Variants in PTPN3 observed in about 807,000 individuals in gnomAD.
The protein encoded by PTPN3 is protein tyrosine phosphatase non-receptor type 3, also known as tyrosine-protein phosphatase non-receptor type 3.
Under a neutral mutation model 132.7 loss-of-function variants are expected in PTPN3, and 96 were observed. That is an observed-to-expected ratio of 0.72 (90% CI 0.61 to 0.86). PTPN3 has a LOEUF of 0.86. Among genes scored for constraint, PTPN3 ranks in the 40% least tolerant of loss-of-function variants. The pLI, the probability that PTPN3 is intolerant of heterozygous loss-of-function variation, is 0.00. For missense variants in PTPN3, 1,125 were observed against 1,159.6 expected, an observed-to-expected ratio of 0.97 and a Z score of 0.43; for synonymous variants, 398 against 429.0, an observed-to-expected ratio of 0.93 and a Z score of 0.89.
intron 21 of PTPN3, 39 bp downstream of exon 21, chr9:109,391,098 GT>G (rs755771325): frequency 5.7e-5 from 90 of 1,572,392 alleles, no homozygotes; most frequent in Middle Eastern, 3.3e-4. Flanking sequence ...TGCGACAGTG[GT>G]GAATGTGCTC....
At chr9:109,471,117 C>T (rs1461885280) in intron 1 of PTPN3, among the ~76,000 whole-genome samples, 3 of 150,254 alleles carry the variant, frequency 2.0e-5, no homozygotes, top group Admixed American at 6.6e-5. Context: ...AGTGCAGTGG[C>T]GCAATCTCAG....
At chr9:109,422,692 C>CAA (rs111591001) in intron 13 of PTPN3, 26 bp downstream of exon 13, 16,073 of 1,431,096 alleles carry the variant, frequency 0.011, 41 homozygotes, top group African/African-American at 0.051. Context: ...TTGGGTAGTA[C>CAA]AAAAAAAAAA....
At chr9:109,400,705 T>C (rs1841016432) in intron 19 of PTPN3, among the ~76,000 whole-genome samples, 1 of 152,218 alleles carries the variant, frequency 6.6e-6, no homozygotes, top group African/African-American at 2.4e-5. Context: ...TCCAAGACTG[T>C]GTTCCCTCAT....
At chr9:109,388,033 C>G (rs1054588099) in intron 22 of PTPN3, among the ~76,000 whole-genome samples, 6 of 152,308 alleles carry the variant, frequency 3.9e-5, no homozygotes, top group African/African-American at 1.4e-4. Context: ...CACAGCGAGG[C>G]TGGGGAGCGG....
chr9:109,381,815 G>A (rs1001475535), intron 24 of PTPN3, 28 bp from the exon 25 acceptor site: 2 of 1,613,834 alleles, frequency 1.2e-6, no homozygotes, highest in African/African-American at 2.7e-5. Context: ...GACAGACTTG[G>A]GATTTGTCTG....
chr9:109,536,547 T>C, the PTPN3 span, among the ~76,000 whole-genome samples: 2 of 152,354 alleles, frequency 1.3e-5, no homozygotes, highest in Non-Finnish European at 2.9e-5. Context: ...GCAAGGACTG[T>C]GCCATCTGTG....
intron 14 of PTPN3, among the ~76,000 whole-genome samples, chr9:109,414,141 T>C (rs977414016): frequency 1.4e-4 from 22 of 152,084 alleles, no homozygotes; most frequent in African/African-American, 5.1e-4. Flanking sequence ...ACCAAGAGGA[T>C]CACCCGAGGT....
chr9:109,429,309 C>T (rs1172490181), intron 10 of PTPN3, among the ~76,000 whole-genome samples: 1 of 152,162 alleles, frequency 6.6e-6, no homozygotes, highest in African/African-American at 2.4e-5. Context: ...ACTAGAAATT[C>T]CTGGAGCCAG....
At chr9:109,392,322 G>A (rs1840193424) in intron 19 of PTPN3, among the ~76,000 whole-genome samples, 1 of 151,274 alleles carries the variant, frequency 6.6e-6, no homozygotes, top group Non-Finnish European at 1.5e-5. Flanking sequence ...TTTCTCACCA[G>A]TGGTTTTTAT....
intron 11 of PTPN3, 65 bp from the exon 12 acceptor site, chr9:109,427,187 A>T (rs1031847093): frequency 1.3e-6 from 2 of 1,535,806 alleles, no homozygotes; most frequent in Non-Finnish European, 1.8e-6. Context: ...GTAAGCATTT[A>T]ACCCACATTG....
chr9:109,383,276 G>A (rs1337075562), intron 23 of PTPN3, 147 bp downstream of exon 23: 1 of 1,401,186 alleles, frequency 7.1e-7, no homozygotes, highest in African/African-American at 1.4e-5. Flanking sequence ...TCTGGGCCCT[G>A]GCTCTTTGAT....
intron 5 of PTPN3, chr9:109,449,150 TG>T (rs1845068913): frequency 1.7e-6 from 2 of 1,211,700 alleles, no homozygotes; most frequent in South Asian, 2.2e-5. Flanking sequence ...CCACCAAAGA[TG>T]GGCTGGTACT....
At chr9:109,397,718 A>G (rs1351309036) in intron 19 of PTPN3, 1 of 152,204 alleles carries the variant, frequency 6.6e-6, no homozygotes, top group Non-Finnish European at 1.5e-5. Context: ...ACAGTCCCAG[A>G]TGCAGATTCT....
Position 109,433,921 on chromosome 9 carries a change from A to T in PTPN3, c.676-760T>A, listed in dbSNP as rs950314664. Among the ~76,000 whole-genome samples, 251 of 144,788 alleles carry T rather than the reference A, an allele frequency of 1.7e-3. 6 individuals are homozygous for T. The highest frequency in any genetic ancestry group is 5.2e-3 in the Admixed American group (77 of 14,732). 95.0% of individuals were successfully genotyped at this position (144,788 alleles called of 152,430 possible). On this transcript the variant is annotated intron_variant, in intron 9 of 25. Coordinates refer to ENST00000374541, the MANE Select transcript of PTPN3 (RefSeq NM_002829.4). ...CAGCAGAGGGAGACTCTGTTTAAAA[A>T]AAAAAAAAAAAAAAAAAAAAAAGCG...
Position 109,457,209 on chromosome 9 carries a change from G to A in PTPN3, c.253C>T (p.Leu85=). 4 of 1,613,966 alleles carry A rather than the reference G, an allele frequency of 2.5e-6. No homozygotes were observed. The highest frequency in any genetic ancestry group is 2.5e-6 in the Non-Finnish European group (3 of 1,179,900). ...TTCCTGATGGCTTTGCTTGCTTCCAGCCATCTCTGTTGGACAAGAAAACAT... is the reference window on the plus strand; with the variant it reads ...TTCCTGATGGCTTTGCTTGCTTCCAACCATCTCTGTTGGACAAGAAAACAT... The part of the protein sequence containing the change: ...DDDSVDSPRW[L]EASKAIRKQL... The change falls in exon 4 of 26, where the codon CTG becomes TTG. Residue 85 remains leucine (L), a synonymous_variant. Coordinates refer to ENST00000374541, the MANE Select transcript of PTPN3 (RefSeq NM_002829.4).
chr9:109,508,336 A>G, the PTPN3 span, among the ~76,000 whole-genome samples: 6,077 of 151,804 alleles, frequency 0.04, 176 homozygotes, highest in Non-Finnish European at 0.063. Flanking sequence ...AATTTTTTGT[A>G]TTTTTAGTAG....
At chr9:109,389,110 G>A in intron 22 of PTPN3, 123 bp downstream of exon 22, 1 of 1,307,038 alleles carries the variant, frequency 7.7e-7, no homozygotes, top group Non-Finnish European at 1.0e-6. Flanking sequence ...CTGTAGAGGA[G>A]ACTTAGGGTC....
intron 1 of PTPN3, among the ~76,000 whole-genome samples, chr9:109,464,035 C>T (rs1845977898): frequency 6.6e-6 from 1 of 152,132 alleles, no homozygotes; most frequent in African/African-American, 2.4e-5. Flanking sequence ...AACAGGTACT[C>T]AACCATATTA....
chr9:109,459,202 GC>G (rs1845709331), intron 2 of PTPN3, among the ~76,000 whole-genome samples: 1 of 152,228 alleles, frequency 6.6e-6, no homozygotes, highest in Admixed American at 6.5e-5. Flanking sequence ...TCCTGGCCTG[GC>G]CCCTGCCCTC....
Sources: allele counts gnomAD v4.1 joint callset (sites outside exome capture counted in the v4.1 genomes callset), GRCh38; gene constraint gnomAD v4.1.1; transcripts MANE v1.5; gene names NCBI Gene and HGNC (gene_info 2026-07-23, HGNC 2026-07-21).